Variants in ZSWIM5 observed in about 807,000 individuals in gnomAD.
ZSWIM5 encodes zinc finger SWIM domain-containing protein 5.
In ZSWIM5, 55 loss-of-function variants were observed where a neutral mutation model predicts 119.6. The observed-to-expected ratio is 0.46, with a 90% CI of 0.37 to 0.58. The LOEUF (loss-of-function observed/expected upper bound fraction) is 0.58. Ranked by LOEUF, ZSWIM5 falls within the 20% of genes least tolerant of loss-of-function variation. The pLI is 0.00. For synonymous variants in ZSWIM5, 537 were observed against 606.9 expected, an observed-to-expected ratio of 0.88 and a Z score of 1.69; for missense variants, 1,193 against 1,512.8, an observed-to-expected ratio of 0.79 and a Z score of 3.51.
chr1:45,153,276 C>T (rs1183769958), intron 1 of ZSWIM5, among the ~76,000 whole-genome samples: 7 of 151,774 alleles, frequency 4.6e-5, no homozygotes, highest in Admixed American at 3.9e-4. Context: ...AATCCCAGCA[C>T]TTTGGGAGGC....
chr1:45,093,045 T>C (rs1299589244), intron 1 of ZSWIM5, among the ~76,000 whole-genome samples: 1 of 152,170 alleles, frequency 6.6e-6, no homozygotes, highest in African/African-American at 2.4e-5. Flanking sequence ...AACATAAGCA[T>C]AGAAAGCTTA....
chr1:45,181,688 C>A (rs1347178597), intron 1 of ZSWIM5, among the ~76,000 whole-genome samples: 1 of 152,080 alleles, frequency 6.6e-6, no homozygotes, highest in East Asian at 1.9e-4. Flanking sequence ...AGAGAAAGGT[C>A]AGGTTACCCA....
At chr1:45,036,583 G>C (rs1644985862) in intron 8 of ZSWIM5, among the ~76,000 whole-genome samples, 1 of 151,904 alleles carries the variant, frequency 6.6e-6, no homozygotes, top group African/African-American at 2.4e-5. Flanking sequence ...TCAAACTCCT[G>C]ACCTCAGGTG....
At chr1:45,113,700 T>G (rs1351512060) in intron 1 of ZSWIM5, among the ~76,000 whole-genome samples, 3 of 152,236 alleles carry the variant, frequency 2.0e-5, no homozygotes, top group Non-Finnish European at 2.9e-5. Context: ...TGTCAATGAT[T>G]GCTTTTTGCT....
At chr1:45,152,006 T>C (rs1008597464) in intron 1 of ZSWIM5, among the ~76,000 whole-genome samples, 2 of 152,164 alleles carry the variant, frequency 1.3e-5, no homozygotes, top group Non-Finnish European at 2.9e-5. Flanking sequence ...CCCTGCCCTT[T>C]TACAGTTCAA....
intron 1 of ZSWIM5, among the ~76,000 whole-genome samples, chr1:45,142,930 G>A (rs1249418518): frequency 2.0e-5 from 3 of 151,504 alleles, no homozygotes; most frequent in Non-Finnish European, 4.4e-5. Flanking sequence ...CAGCACTTTG[G>A]GAGGCCGAGG....
At chr1:45,169,072 C>T (rs867474800) in intron 1 of ZSWIM5, among the ~76,000 whole-genome samples, 27 of 152,018 alleles carry the variant, frequency 1.8e-4, no homozygotes, top group African/African-American at 6.5e-4. Flanking sequence ...CTATCAATGC[C>T]CATCTCTTAC....
intron 12 of ZSWIM5, 77 bp from the exon 13 acceptor site, chr1:45,020,224 C>T (rs1260066693): frequency 2.2e-5 from 26 of 1,203,594 alleles, no homozygotes; most frequent in African/African-American, 6.0e-5. Context: ...TTCATTTATG[C>T]GACAAATATT....
chr1:45,129,847 T>A (rs1645644310), intron 1 of ZSWIM5, among the ~76,000 whole-genome samples: 1 of 152,068 alleles, frequency 6.6e-6, no homozygotes. Flanking sequence ...ATCTTCAGGA[T>A]CAAGGGCTAA....
At chr1:45,205,030 A>G (rs1420113996) in intron 1 of ZSWIM5, among the ~76,000 whole-genome samples, 1 of 152,198 alleles carries the variant, frequency 6.6e-6, no homozygotes, top group Non-Finnish European at 1.5e-5. Flanking sequence ...GACTTGTTAA[A>G]TGAGAAGCTT....
chr1:45,045,904 G>GGTTTTTTC (rs1459897611), intron 5 of ZSWIM5, among the ~76,000 whole-genome samples: 2 of 152,102 alleles, frequency 1.3e-5, no homozygotes, highest in Non-Finnish European at 2.9e-5. Flanking sequence ...AGAAAAGCAA[G>GGTTTTTTC]CTGGTGTTAG....
chr1:45,171,883 A>T (rs1352819021), intron 1 of ZSWIM5, among the ~76,000 whole-genome samples: 1 of 152,142 alleles, frequency 6.6e-6, no homozygotes, highest in Non-Finnish European at 1.5e-5. Flanking sequence ...TTTTTAGATA[A>T]TTATTTGGAA....
intron 1 of ZSWIM5, among the ~76,000 whole-genome samples, chr1:45,152,719 A>C (rs1192089303): frequency 1.3e-5 from 2 of 152,172 alleles, no homozygotes; most frequent in Non-Finnish European, 2.9e-5. Context: ...CTAAGTCCTC[A>C]AAAATATTTG....
chr1:45,018,810 C>T lies in ZSWIM5; in HGVS notation c.3202G>A (p.Val1068Met). The change falls in exon 14 of 14, where the codon GTG becomes ATG. Residue 1068 changes from valine to methionine, a missense_variant. Coordinates refer to ENST00000359600, the MANE Select transcript of ZSWIM5 (RefSeq NM_020883.2). This position sits in a 1 kb window ranked among gnomAD's most constrained non-coding sequence, Gnocchi z 6.7. ...AALIPLVVKSVHCATVLSDIL... is the reference protein window; with the variant it reads ...AALIPLVVKSMHCATVLSDIL... The stretch of plus-strand genomic sequence containing the variant: ...TCTGAAAGCACTGTGGCACAGTGCA[C>T]ACTCTTCACCACCAGGGGGATGAGA... 1 of 1,614,240 alleles carries T rather than the reference C, an allele frequency of 6.2e-7. No homozygotes were observed. The highest frequency in any genetic ancestry group is 8.5e-7 in the Non-Finnish European group (1 of 1,180,038).
chr1:45,073,805 C>T (rs1437718238), intron 2 of ZSWIM5, among the ~76,000 whole-genome samples: 3 of 151,824 alleles, frequency 2.0e-5, no homozygotes, highest in African/African-American at 4.9e-5. Context: ...ATCCTTGTCA[C>T]GTTCCAGATC....
intron 1 of ZSWIM5, among the ~76,000 whole-genome samples, chr1:45,115,119 C>T (rs926527547): frequency 1.3e-5 from 2 of 152,236 alleles, no homozygotes; most frequent in South Asian, 2.1e-4. Context: ...TCAACAAAAC[C>T]GCCATCGTCA....
intron 2 of ZSWIM5, among the ~76,000 whole-genome samples, chr1:45,065,528 A>G (rs887850516): frequency 6.6e-6 from 1 of 152,218 alleles, no homozygotes; most frequent in South Asian, 2.1e-4. Context: ...CCTAGTGTAT[A>G]TCTATGGAAA....
At chr1:45,176,492 T>A (rs998731447) in intron 1 of ZSWIM5, among the ~76,000 whole-genome samples, 8 of 152,144 alleles carry the variant, frequency 5.3e-5, no homozygotes, top group Non-Finnish European at 1.2e-4. Context: ...CTTGAACTCA[T>A]GACCTCAGGT....
intron 2 of ZSWIM5, among the ~76,000 whole-genome samples, chr1:45,076,405 GTT>G (rs975892003): frequency 6.6e-6 from 1 of 152,168 alleles, no homozygotes; most frequent in East Asian, 1.9e-4. Flanking sequence ...TAGGATCAAA[GTT>G]TTTTTCCTTC....
Sources: gnomAD v4.1 joint callset for allele counts (sites outside exome capture counted in the v4.1 genomes callset) on GRCh38, gnomAD v4.1.1 for gene constraint, Gnocchi (gnomAD v3.1) non-coding constraint, MANE v1.5 for transcripts, NCBI Gene and HGNC (gene_info 2026-07-23, HGNC 2026-07-21) for gene names.